Variants in CACNA1D observed in about 807,000 individuals in gnomAD.
CACNA1D encodes voltage-dependent L-type calcium channel subunit alpha-1D.
In CACNA1D, 55 loss-of-function variants were observed where a neutral mutation model predicts 257.1. The ratio of observed to expected loss-of-function variants is 0.21; its 90% CI spans 0.17 to 0.27. The LOEUF is 0.27. Among genes scored for constraint, CACNA1D ranks in the 10% least tolerant of loss-of-function variants. The pLI, the probability that CACNA1D is intolerant of heterozygous loss-of-function variation, is 1.00. For synonymous variants in CACNA1D, 980 were observed against 1,014.9 expected, an observed-to-expected ratio of 0.97 and a Z score of 0.65; for missense variants, 1,876 against 2,784.0, an observed-to-expected ratio of 0.67 and a Z score of 7.34.
intron 8 of CACNA1D, among the ~76,000 whole-genome samples, chr3:53,691,666 GTA>G (rs1199005107): frequency 9.0e-6 from 1 of 110,942 alleles, no homozygotes; most frequent in African/African-American, 3.4e-5. Context: ...GTGTGTGTGT[GTA>G]TATATGTAAT....
chr3:53,781,697 T>G, intron 39 of CACNA1D, 30 bp downstream of exon 39: 1 of 1,421,088 alleles, frequency 7.0e-7, no homozygotes, highest in Non-Finnish European at 1.0e-6. Flanking sequence ...TAAGTAGTCC[T>G]TGGCCAGTGC....
chr3:53,571,567 C>T (rs2092944721), intron 3 of CACNA1D, among the ~76,000 whole-genome samples: 1 of 151,958 alleles, frequency 6.6e-6, no homozygotes, highest in African/African-American at 2.4e-5. Flanking sequence ...ATAGTCATGA[C>T]AGGTTCTCTG....
intron 3 of CACNA1D, among the ~76,000 whole-genome samples, chr3:53,569,832 G>C (rs889152526): frequency 6.6e-6 from 1 of 152,212 alleles, no homozygotes; most frequent in African/African-American, 2.4e-5. Flanking sequence ...AATAGCTACA[G>C]AGCCTTAGTG....
At chr3:53,601,634 A>G (rs1436268758) in intron 3 of CACNA1D, among the ~76,000 whole-genome samples, 4 of 152,238 alleles carry the variant, frequency 2.6e-5, no homozygotes, top group African/African-American at 9.6e-5. Context: ...TATGTAAATC[A>G]TGGTGGTGGT....
At chr3:53,744,511 C>G (rs1005939131) in intron 22 of CACNA1D, among the ~76,000 whole-genome samples, 13 of 152,216 alleles carry the variant, frequency 8.5e-5, no homozygotes, top group Non-Finnish European at 1.2e-4. Flanking sequence ...TAGCTGTGCA[C>G]CTGTCAGCCT....
At chr3:53,745,215 G>A (rs2095156325) in intron 23 of CACNA1D, among the ~76,000 whole-genome samples, 1 of 151,682 alleles carries the variant, frequency 6.6e-6, no homozygotes, top group Non-Finnish European at 1.5e-5. Context: ...CATGTGCCAG[G>A]CAGCACTGCA....
At chr3:53,602,811 A>G (rs1368003447) in intron 3 of CACNA1D, among the ~76,000 whole-genome samples, 1 of 151,798 alleles carries the variant, frequency 6.6e-6, no homozygotes, top group Non-Finnish European at 1.5e-5. Context: ...TTTTCCCCCT[A>G]TTGAGTTGTC....
Position 53,751,892 on chromosome 3 carries a change from C to G in CACNA1D, c.3660C>G (p.Leu1220=). Residue 1220 remains leucine (L), a synonymous_variant, in exon 28 of 48, where the codon CTC becomes CTG. Coordinates refer to ENST00000350061, the MANE Select transcript of CACNA1D (RefSeq NM_001128840.3). This position sits in a 1 kb window ranked among gnomAD's most constrained non-coding sequence, Gnocchi z 4.3. Reference sequence around the variant, plus strand: ...TTGTCCTCATCATGCTCAACACACTCTGCTTGGCCATGCAGGTAAAAATGG... The same window carrying G: ...TTGTCCTCATCATGCTCAACACACTGTGCTTGGCCATGCAGGTAAAAATGG... ...MMFVLIMLNT[L]CLAMQHYEQS... The G allele has an allele frequency of 1.2e-6, 2 of 1,614,094 alleles. No individual in the cohort carries two copies. The highest frequency in any genetic ancestry group is 1.7e-6 in the Non-Finnish European group (2 of 1,180,004).
intron 8 of CACNA1D, among the ~76,000 whole-genome samples, chr3:53,690,415 G>A (rs930014712): frequency 6.6e-6 from 1 of 152,220 alleles, no homozygotes; most frequent in Non-Finnish European, 1.5e-5. Flanking sequence ...TCTGCTTTTG[G>A]ACAAGTCTCA....
chr3:53,763,616 C>T (rs1475146672), intron 30 of CACNA1D, among the ~76,000 whole-genome samples: 3 of 152,222 alleles, frequency 2.0e-5, no homozygotes, highest in Non-Finnish European at 4.4e-5. Flanking sequence ...AGCCCACCCC[C>T]TGCCCCTGAT....
Position 53,793,417 on chromosome 3 carries a change from T to C in CACNA1D, c.4923+6465T>C, listed in dbSNP as rs933886099. Among the ~76,000 whole-genome samples, 1 of 152,258 alleles carries C rather than the reference T, an allele frequency of 6.6e-6. No individual in the cohort carries two copies. Among genetic ancestry groups the C allele is most frequent in the Non-Finnish European group, 1.5e-5 (1 of 68,046 alleles). On this transcript the variant is annotated intron_variant, in intron 40 of 47. Transcript: ENST00000350061. This position sits in a 1 kb window ranked among gnomAD's most constrained non-coding sequence, Gnocchi z 4.1. Reference sequence around the variant, plus strand: ...TGATTCAGTGCTGAAGGATGGCACGTGCCTACCCCCTGTATGTGTCACTCT... The same window carrying C: ...TGATTCAGTGCTGAAGGATGGCACGCGCCTACCCCCTGTATGTGTCACTCT...
chr3:53,676,270 G>A (rs1048037571), intron 8 of CACNA1D, among the ~76,000 whole-genome samples: 1 of 148,780 alleles, frequency 6.7e-6, no homozygotes, highest in Non-Finnish European at 1.5e-5. Context: ...CCGCCCCTCC[G>A]CCCCCTCGCC....
At chr3:53,688,734 T>G (rs1414109254) in intron 8 of CACNA1D, among the ~76,000 whole-genome samples, 6 of 152,224 alleles carry the variant, frequency 3.9e-5, no homozygotes, top group Admixed American at 3.9e-4. Flanking sequence ...AGTTTGGTTT[T>G]GGGTTCAGGG....
intron 3 of CACNA1D, among the ~76,000 whole-genome samples, chr3:53,595,177 A>T (rs555365720): frequency 6.6e-6 from 1 of 152,314 alleles, no homozygotes; most frequent in South Asian, 2.1e-4. Flanking sequence ...AAGGAGTATA[A>T]TCTTTGTATC....
At chr3:53,560,728 A>T (rs2092722345) in intron 3 of CACNA1D, among the ~76,000 whole-genome samples, 1 of 152,220 alleles carries the variant, frequency 6.6e-6, no homozygotes, top group Non-Finnish European at 1.5e-5. Context: ...TGAATTTCTT[A>T]TACTTTTCAT....
chr3:53,733,026 G>T (rs2095014506), intron 19 of CACNA1D, 64 bp downstream of exon 19: 13 of 1,538,070 alleles, frequency 8.5e-6, no homozygotes, highest in Non-Finnish European at 1.2e-5. Context: ...GGTTGCTTGA[G>T]GGTGGCTCGG....
intron 39 of CACNA1D, 80 bp from the exon 40 acceptor site, chr3:53,786,742 T>TGCCCCA: frequency 7.7e-6 from 2 of 260,500 alleles, no homozygotes; most frequent in South Asian, 3.3e-5. Context: ...CCCCTGCCCC[T>TGCCCCA]GCCCCAGCCA....
chr3:53,673,912 T>A lies in CACNA1D; in HGVS notation c.1220+786T>A. 1.2e-6 allele frequency: 1 copy of A among 801,922 alleles called. No individual in the cohort carries two copies. Among genetic ancestry groups the A allele is most frequent in the Non-Finnish European group, 2.3e-6 (1 of 442,548 alleles). 49.7% of individuals were successfully genotyped at this position (801,922 alleles called of 1,614,324 possible). On this transcript the variant is annotated intron_variant, in intron 8 of 47. Coordinates refer to ENST00000350061, the MANE Select transcript of CACNA1D (RefSeq NM_001128840.3). This position sits in a 1 kb window ranked among gnomAD's most constrained non-coding sequence, Gnocchi z 4.1. ...TGCTCCCTGACAGCTTCTCTGCATG[T>A]GTTTGGACTCTGATGTCCTCTCAGT...
At chr3:53,496,795 A>G (rs2090370810) in intron 1 of CACNA1D, among the ~76,000 whole-genome samples, 1 of 152,186 alleles carries the variant, frequency 6.6e-6, no homozygotes, top group Non-Finnish European at 1.5e-5. Flanking sequence ...CATTAGAGAT[A>G]GATGGGTTTT....
Sources: allele counts gnomAD v4.1 joint callset (sites outside exome capture counted in the v4.1 genomes callset), GRCh38; gene constraint gnomAD v4.1.1; non-coding constraint Gnocchi (gnomAD v3.1); transcripts MANE v1.5; gene names NCBI Gene and HGNC (gene_info 2026-07-23, HGNC 2026-07-21).